The following LCOR variants were observed in gnomAD, a reference collection of about 807,000 sequenced individuals.
LCOR encodes ligand-dependent corepressor.
In LCOR, 14 loss-of-function variants were observed where a neutral mutation model predicts 64.4. That is an observed-to-expected ratio of 0.22 (90% CI 0.14 to 0.34). The LOEUF (loss-of-function observed/expected upper bound fraction) is 0.34. Ranked by LOEUF, LCOR falls within the 10% of genes least tolerant of loss-of-function variation. The pLI is 1.00. For missense variants in LCOR, 1,686 were observed against 1,765.3 expected, an observed-to-expected ratio of 0.96 and a Z score of 0.80; for synonymous variants, 643 against 642.5, an observed-to-expected ratio of 1.00 and a Z score of -0.01.
intron 7 of LCOR, chr10:96,957,962 T>C (rs1343822194): frequency 1.8e-5 from 18 of 987,678 alleles, no homozygotes; most frequent in Non-Finnish European, 2.2e-5. Context: ...TAGCTGGAAG[T>C]TGCAATAAAA....
At position 96,981,232 on chromosome 10, in the gene LCOR, A is replaced by G. The variant is rs750118202; in HGVS notation, c.772A>G (p.Ile258Val). 48 of 851,550 alleles carry G rather than the reference A, an allele frequency of 5.6e-5. No homozygotes were observed. In the African/African-American group the frequency reaches 5.7e-4, roughly 10 times the overall value. The allele number at this position is 851,550 out of a possible 1,614,324, so 52.7% of individuals were successfully genotyped here. The change falls in exon 8 of 8, where the codon ATT becomes GTT. Residue 258 changes from isoleucine (I) to valine (V), a missense_variant. By Grantham distance (29) the Ile-to-Val change is conservative (BLOSUM62 3). Around this residue, in one of 3 missense-constraint regions of LCOR, gnomAD observed 313 missense variants for 247.2 expected, o/e 1.27. Transcript: ENST00000421806. The stretch of plus-strand genomic sequence containing the variant: ...ACTTCCAACCACTAAATCGAATTCT[A>G]TTAATAGCAGTTCAGTGGATAGTTT... ...SELPTTKSNS[I>V]NSSSVDSFTP...
At chr10:96,962,172 G>A (rs963234383) in intron 7 of LCOR, 4 of 152,034 alleles carry the variant, frequency 2.6e-5, no homozygotes, top group African/African-American at 9.6e-5. Flanking sequence ...TACCTTTCTA[G>A]CAATTCCAAG....
chr10:96,873,571 C>CGT (rs55893181), intron 2 of LCOR, among the ~76,000 whole-genome samples: 18,782 of 125,860 alleles, frequency 0.15, 1,455 homozygotes, highest in Non-Finnish European at 0.18. Flanking sequence ...CACACACACA[C>CGT]GTGTGTGTGT....
intron 4 of LCOR, among the ~76,000 whole-genome samples, chr10:96,943,857 C>A (rs1456504810): frequency 2.0e-5 from 3 of 151,676 alleles, no homozygotes; most frequent in Non-Finnish European, 2.9e-5. Flanking sequence ...ATCCCTCTGG[C>A]AGTTAAAGTT....
rs2134570802 is a variant in LCOR at position 96,988,691 on chromosome 10, G to A, written c.*3557G>A. 1 of 152,322 alleles carries A rather than the reference G, an allele frequency of 6.6e-6. No homozygotes were observed. Among genetic ancestry groups the A allele is most frequent in the South Asian group, 2.1e-4 (1 of 4,826 alleles). 9.4% of individuals were successfully genotyped at this position (152,322 alleles called of 1,614,324 possible). ...GATTAGTGGACCTAAGAGCCAAGTA[G>A]GAAAATATAGCATGCTATGTGATAC... is the stretch of plus-strand genomic sequence containing the variant. On this transcript the variant is annotated 3_prime_UTR_variant, in exon 8 of 8. Coordinates refer to ENST00000421806, the MANE Select transcript of LCOR (RefSeq NM_001346516.2).
chr10:96,919,883 TCATC>T (rs919441349), intron 4 of LCOR, among the ~76,000 whole-genome samples: 1 of 152,226 alleles, frequency 6.6e-6, no homozygotes, highest in Non-Finnish European at 1.5e-5. Context: ...CCCATTTTGT[TCATC>T]CATCCATCAG....
chr10:96,946,738 G>A (rs941987176), intron 5 of LCOR, among the ~76,000 whole-genome samples: 4 of 152,066 alleles, frequency 2.6e-5, no homozygotes, highest in Non-Finnish European at 5.9e-5. Flanking sequence ...TCATGACTGT[G>A]TTTTCATTCA....
At chr10:96,888,715 A>G (rs1421774330) in intron 2 of LCOR, among the ~76,000 whole-genome samples, 1 of 152,164 alleles carries the variant, frequency 6.6e-6, no homozygotes. Context: ...TTTTGTGTAC[A>G]GTTGTATGAA....
intron 6 of LCOR, among the ~76,000 whole-genome samples, chr10:96,949,840 AAC>A (rs1847648066): frequency 1.3e-5 from 2 of 152,340 alleles, no homozygotes; most frequent in South Asian, 4.1e-4. Flanking sequence ...TAAATACAGA[AAC>A]ACATATATAA....
intron 4 of LCOR, among the ~76,000 whole-genome samples, chr10:96,943,043 G>T (rs1384848205): frequency 6.6e-6 from 1 of 152,108 alleles, no homozygotes; most frequent in Non-Finnish European, 1.5e-5. Context: ...GGAATCTCGG[G>T]GATGATTATA....
chr10:96,850,816 G>A (rs762351256), intron 2 of LCOR, among the ~76,000 whole-genome samples: 2 of 152,194 alleles, frequency 1.3e-5, no homozygotes, highest in African/African-American at 4.8e-5. Context: ...TTTATTGACA[G>A]ATTTTCTAGG....
chr10:96,915,612 A>T lies in LCOR; in HGVS notation c.-184+7865A>T. The T allele has an allele frequency of 3.5e-6, 3 of 852,722 alleles. No individual in the cohort carries two copies. The South Asian group carries it at 3.9e-5, about 11-fold the overall frequency. The allele number at this position is 852,722 out of a possible 1,614,324, so 52.8% of individuals were successfully genotyped here. A position where few individuals can be genotyped will look rare whatever the true frequency, so the allele number is the denominator to read the frequency against. ...ATACAGTCACCAGAAGTACACAGTT[A>T]TCAAAAATGCACACACTTCACTCGG... is the stretch of plus-strand genomic sequence containing the variant. On this transcript the variant is annotated intron_variant, in intron 4 of 7. Coordinates refer to ENST00000421806, the MANE Select transcript of LCOR (RefSeq NM_001346516.2).
At chr10:96,902,081 C>T (rs1037033676) in intron 2 of LCOR, among the ~76,000 whole-genome samples, 3 of 151,348 alleles carry the variant, frequency 2.0e-5, no homozygotes, top group Non-Finnish European at 4.4e-5. Flanking sequence ...AGTTTTTCTC[C>T]TCCCCCCAAG....
chr10:96,899,388 C>T (rs757720163), intron 2 of LCOR, among the ~76,000 whole-genome samples: 18 of 152,036 alleles, frequency 1.2e-4, no homozygotes, highest in Admixed American at 8.5e-4. Flanking sequence ...TCTATGTAAA[C>T]ACTTGATTAA....
intron 4 of LCOR, among the ~76,000 whole-genome samples, chr10:96,927,504 T>A (rs956040903): frequency 6.6e-6 from 1 of 152,150 alleles, no homozygotes; most frequent in Non-Finnish European, 1.5e-5. Flanking sequence ...TCTTAAAATT[T>A]ATGTTTTTTA....
At position 96,920,448 on chromosome 10, in the gene LCOR, A is replaced by ATATTCATATATATGTG. The variant is rs1847032769; in HGVS notation, c.-184+12704_-184+12705insTCATATATATGTGTAT. ...CATATATATGTGTATATATGTGTAT[A>ATATTCATATATATGTG]TATATGTATATTCATATATGTGTAT... On this transcript the variant is annotated intron_variant, in intron 4 of 7. Transcript: ENST00000421806. Among the ~76,000 whole-genome samples the ATATTCATATATATGTG allele has an allele frequency of 1.1e-4, 14 of 127,532 alleles. No homozygotes were observed. In the South Asian group the frequency reaches 2.7e-3, roughly 25 times the overall value. The allele number at this position is 127,532 out of a possible 152,430, so 83.7% of individuals were successfully genotyped here.
intron 2 of LCOR, among the ~76,000 whole-genome samples, chr10:96,837,290 A>G (rs1052043342): frequency 1.4e-5 from 2 of 148,042 alleles, no homozygotes; most frequent in Admixed American, 6.7e-5. Context: ...GCGTCCCTCT[A>G]TGTATGCCCA....
intron 2 of LCOR, among the ~76,000 whole-genome samples, chr10:96,838,322 A>T (rs968873529): frequency 2.0e-4 from 31 of 152,246 alleles, no homozygotes; most frequent in African/African-American, 7.0e-4. Context: ...GGGTCCTGCC[A>T]TGTTGCCCAG....
chr10:96,984,604 A>G lies in LCOR; in HGVS notation c.4144A>G (p.Lys1382Glu), dbSNP rs993489442. 4 of 1,614,192 alleles carry G rather than the reference A, an allele frequency of 2.5e-6. No homozygotes were observed. The highest frequency in any genetic ancestry group is 3.3e-5 in the Admixed American group (2 of 60,024). The change falls in exon 8 of 8, where the codon AAG (lysine) becomes GAG (glutamate). Residue 1382 changes from lysine (K) to glutamate (E), a missense_variant. Lys to Glu is a moderately conservative substitution (Grantham distance 56). This residue lies in a region of LCOR where 1,293 missense variants were observed against 1,410.4 expected (regional missense o/e 0.92). Transcript: ENST00000421806. ...PKSTEGMKGR[K>E]GKQVSEILPK... is the part of the protein sequence containing the mutation. ...GAGTACTGAAGGAATGAAGGGAAGGAAGGGGAAGCAGGTGTCTGAAATCTT... is the reference window on the plus strand; with the variant it reads ...GAGTACTGAAGGAATGAAGGGAAGGGAGGGGAAGCAGGTGTCTGAAATCTT...
Sources: gnomAD v4.1 joint callset for allele counts (sites outside exome capture counted in the v4.1 genomes callset) on GRCh38, gnomAD v4.1.1 for gene constraint, gnomAD v4.1.1 regional missense constraint, MANE v1.5 for transcripts, NCBI Gene and HGNC (gene_info 2026-07-23, HGNC 2026-07-21) for gene names.